LRRC3B: variants seen among roughly 807,000 people sequenced by gnomAD.
LRRC3B encodes leucine rich repeat containing 3B, also known as leucine-rich repeat-containing protein 3B.
In LRRC3B, 2 loss-of-function variants were observed where a neutral mutation model predicts 12.8. That is an observed-to-expected ratio of 0.16 (90% CI 0.06 to 0.49). The LOEUF (loss-of-function observed/expected upper bound fraction) is 0.49. Ranked by LOEUF, LRRC3B falls within the 20% of genes least tolerant of loss-of-function variation. The probability of loss-of-function intolerance (pLI) is 0.96; values close to 1 mark genes in which losing one functional copy is unlikely to be tolerated. For synonymous variants in LRRC3B, 132 were observed against 122.0 expected, an observed-to-expected ratio of 1.08 and a Z score of -0.54; for missense variants, 189 against 319.4, an observed-to-expected ratio of 0.59 and a Z score of 3.11.
At chr3:26,710,131 A>G (rs374555138) in exon 2 of LRRC3B, 32 of 1,613,950 alleles carry the variant, frequency 2.0e-5, no homozygotes, top group Non-Finnish European at 2.5e-5. Context: ...ACTGTACTCT[A>G]CAGCAAGTTC....
chr3:26,671,356 A>ATATATATATATATATG (rs1699729712), intron 1 of LRRC3B, among the ~76,000 whole-genome samples: 1 of 56,392 alleles, frequency 1.8e-5, no homozygotes, highest in African/African-American at 1.1e-4. Flanking sequence ...GTGTGTATAT[A>ATATATATATATATATG]TATATATATA....
intron 1 of LRRC3B, among the ~76,000 whole-genome samples, chr3:26,641,520 A>G (rs892326037): frequency 1.3e-5 from 2 of 152,202 alleles, no homozygotes; most frequent in Admixed American, 1.3e-4. Flanking sequence ...AATCTGGGAA[A>G]CATGTTCCCA....
intron 1 of LRRC3B, among the ~76,000 whole-genome samples, chr3:26,653,103 A>G (rs1699299152): frequency 6.6e-6 from 1 of 151,946 alleles, no homozygotes; most frequent in African/African-American, 2.4e-5. Flanking sequence ...GGATCAAAAA[A>G]AAAAAAAAAG....
At chr3:26,707,659 TTTC>T (rs200502115) in intron 1 of LRRC3B, among the ~76,000 whole-genome samples, 112 of 152,304 alleles carry the variant, frequency 7.4e-4, no homozygotes, top group African/African-American at 2.2e-3. Flanking sequence ...CTCCCTTTAT[TTTC>T]TTCAATTACA....
At chr3:26,706,544 C>G (rs1226801118) in intron 1 of LRRC3B, among the ~76,000 whole-genome samples, 1 of 152,078 alleles carries the variant, frequency 6.6e-6, no homozygotes, top group East Asian at 1.9e-4. Context: ...AGCATTACAT[C>G]CAGTTCACAA....
intron 1 of LRRC3B, among the ~76,000 whole-genome samples, chr3:26,664,041 A>G (rs1699548242): frequency 6.6e-6 from 1 of 152,144 alleles, no homozygotes; most frequent in South Asian, 2.1e-4. Context: ...AGCCCACACT[A>G]CTTAGAAGGA....
chr3:26,646,199 G>A (rs1004721390), intron 1 of LRRC3B, among the ~76,000 whole-genome samples: 1 of 152,178 alleles, frequency 6.6e-6, no homozygotes, highest in African/African-American at 2.4e-5. Flanking sequence ...ATGAAAGTGA[G>A]TTATAATCCC....
chr3:26,680,979 T>C (rs1478099626), intron 1 of LRRC3B, among the ~76,000 whole-genome samples: 1 of 152,222 alleles, frequency 6.6e-6, no homozygotes, highest in Non-Finnish European at 1.5e-5. Context: ...GAGAAACATC[T>C]GTTATTTTGT....
intron 1 of LRRC3B, among the ~76,000 whole-genome samples, chr3:26,630,550 A>C (rs1358347202): frequency 6.6e-6 from 1 of 152,202 alleles, no homozygotes; most frequent in Non-Finnish European, 1.5e-5. Flanking sequence ...AATGGGCATA[A>C]ATGCTACTAT....
chr3:26,697,639 C>T (rs1185562456), intron 1 of LRRC3B, among the ~76,000 whole-genome samples: 1 of 152,144 alleles, frequency 6.6e-6, no homozygotes, highest in Non-Finnish European at 1.5e-5. Context: ...ATCCATCCTC[C>T]ATGCAAAATA....
chr3:26,686,364 C>A (rs1700089187), intron 1 of LRRC3B, among the ~76,000 whole-genome samples: 1 of 152,218 alleles, frequency 6.6e-6, no homozygotes, highest in Admixed American at 6.5e-5. Context: ...CAGGCGTGAG[C>A]CACCGCGCCC....
intron 1 of LRRC3B, chr3:26,701,332 G>T (rs1700448758): frequency 6.6e-6 from 1 of 152,042 alleles, no homozygotes. Flanking sequence ...TCAGGAGGTA[G>T]AATTAATAGG....
intron 1 of LRRC3B, among the ~76,000 whole-genome samples, chr3:26,635,261 A>C (rs78176730): frequency 0.012 from 1,785 of 152,242 alleles, 30 homozygotes; most frequent in African/African-American, 0.038. Flanking sequence ...CAGAGGAGCC[A>C]AGGTTCCTCT....
chr3:26,694,269 T>G (rs142613348), intron 1 of LRRC3B, among the ~76,000 whole-genome samples: 57 of 152,308 alleles, frequency 3.7e-4, no homozygotes, highest in African/African-American at 1.3e-3. Context: ...ACTATAAAAA[T>G]AAGAAGACCT....
At chr3:26,664,857 G>A (rs897431354) in intron 1 of LRRC3B, among the ~76,000 whole-genome samples, 2 of 151,836 alleles carry the variant, frequency 1.3e-5, no homozygotes, top group African/African-American at 4.8e-5. Context: ...GTGTCAGTGG[G>A]TCTGAAAATT....
At chr3:26,695,578 A>G (rs1700295801) in intron 1 of LRRC3B, among the ~76,000 whole-genome samples, 2 of 152,250 alleles carry the variant, frequency 1.3e-5, no homozygotes, top group African/African-American at 4.8e-5. Context: ...TTGCTGTAAC[A>G]GACAGTTTGA....
At position 26,653,097 on chromosome 3, in the gene LRRC3B, C is replaced by CA. The variant is rs58039696; in HGVS notation, c.-161+29875dup. On this transcript the variant is annotated intron_variant, in intron 1 of 1. Transcript: ENST00000396641. ...AAACCTTAGGCTGAGCTTGTGGGAT[C>CA]AAAAAAAAAAAAAAAGAAAAATGAG... Among the ~76,000 whole-genome samples, 468 of 117,038 alleles carry CA rather than the reference C, an allele frequency of 4.0e-3. 3 individuals carry two copies. Among genetic ancestry groups the CA allele is most frequent in the East Asian group, 0.017 (73 of 4,368 alleles). 76.8% of individuals were successfully genotyped at this position (117,038 alleles called of 152,430 possible).
intron 1 of LRRC3B, among the ~76,000 whole-genome samples, chr3:26,671,371 T>TAGAGAG (rs1207421811): frequency 5.8e-3 from 207 of 35,946 alleles, no homozygotes; most frequent in East Asian, 8.4e-3. Context: ...TATATATATA[T>TAGAGAG]ATAGAGAGAG....
In LRRC3B at chr3:26,681,396, A is replaced by G. The variant is rs9654047; in HGVS notation, c.-160-28117A>G. ...ATGCAACCTCTCTTCCTCACAGTCT[A>G]CTAGGAAAGAACAGACATAAACCTC... On this transcript the variant is annotated intron_variant, in intron 1 of 1. Coordinates refer to ENST00000396641, the Ensembl canonical transcript of LRRC3B. Among the ~76,000 whole-genome samples, 1,462 of 152,326 alleles carry G rather than the reference A, an allele frequency of 9.6e-3. 25 individuals are homozygous for G. Among genetic ancestry groups the G allele is most frequent in the African/African-American group, 0.031 (1,308 of 41,568 alleles).
Sources: gnomAD v4.1 joint callset for allele counts (sites outside exome capture counted in the v4.1 genomes callset) on GRCh38, gnomAD v4.1.1 for gene constraint, MANE v1.5 for transcripts, NCBI Gene and HGNC (gene_info 2026-07-23, HGNC 2026-07-21) for gene names.